B3GNT5: variants seen among roughly 807,000 people sequenced by gnomAD.
B3GNT5 encodes UDP-GlcNAc:betaGal beta-1,3-N-acetylglucosaminyltransferase 5.
In B3GNT5, 11 loss-of-function variants were observed where a neutral mutation model predicts 25.9. The ratio of observed to expected loss-of-function variants is 0.42; its 90% CI spans 0.27 to 0.70. The LOEUF (loss-of-function observed/expected upper bound fraction) is 0.70, where lower values mean the gene tolerates loss of function less well. B3GNT5 is among the 30% of genes least tolerant of loss of function. The pLI is 0.23. For missense variants in B3GNT5, 385 were observed against 458.4 expected, an observed-to-expected ratio of 0.84 and a Z score of 1.46; for synonymous variants, 166 against 158.6, an observed-to-expected ratio of 1.05 and a Z score of -0.35.
At chr3:183,262,725 G>A (rs912949667) in intron 1 of B3GNT5, among the ~76,000 whole-genome samples, 1 of 150,124 alleles carries the variant, frequency 6.7e-6, no homozygotes, top group African/African-American at 2.4e-5. Flanking sequence ...GGGTGGGGGG[G>A]ACAGAGCCTG....
intron 1 of B3GNT5, among the ~76,000 whole-genome samples, chr3:183,259,830 C>T (rs1482960161): frequency 3.9e-5 from 6 of 151,990 alleles, no homozygotes; most frequent in Non-Finnish European, 8.8e-5. Flanking sequence ...CTGTCTAGTA[C>T]TAGTGAGACC....
chr3:183,263,737 G>A (rs535810190), intron 1 of B3GNT5, among the ~76,000 whole-genome samples: 19 of 152,168 alleles, frequency 1.2e-4, no homozygotes, highest in Admixed American at 3.3e-4. Context: ...AACTCAATGC[G>A]AGTCTAAAAT....
intron 1 of B3GNT5, among the ~76,000 whole-genome samples, 176 bp from the exon 2 acceptor site, chr3:183,269,322 G>C (rs1278699928): frequency 1.4e-5 from 2 of 140,272 alleles, no homozygotes; most frequent in Non-Finnish European, 3.0e-5. Context: ...CCCTTTTCCT[G>C]TCCTCCTTTA....
chr3:183,266,203 A>G (rs1163565095), intron 1 of B3GNT5: 1 of 152,272 alleles, frequency 6.6e-6, no homozygotes, highest in Non-Finnish European at 1.5e-5. Context: ...GTGTGGGAGC[A>G]GTTGGACTTG....
At chr3:183,259,530 C>G (rs1386396859) in intron 1 of B3GNT5, among the ~76,000 whole-genome samples, 1 of 151,960 alleles carries the variant, frequency 6.6e-6, no homozygotes, top group East Asian at 1.9e-4. Context: ...TCAGATTTTC[C>G]CTGCCTTTAC....
chr3:183,255,902 AAATGGGTCACTT>A (rs1387208478), intron 1 of B3GNT5, among the ~76,000 whole-genome samples: 22 of 152,322 alleles, frequency 1.4e-4, no homozygotes, highest in Middle Eastern at 3.4e-3. Context: ...TCATCTTTTA[AAATGGGTCACTT>A]TGGCTAGAAT....
chr3:183,272,529 T>A lies in B3GNT5; in HGVS notation c.*1594T>A. The stretch of plus-strand genomic sequence containing the variant: ...ATGTTTACAGAAATTTTAATTTTTT[T>A]CTATTTTGAAATTTGAGGCTTGTTT... On this transcript the variant is annotated 3_prime_UTR_variant, in exon 2 of 2. Transcript: ENST00000326505. 3.0e-6 allele frequency: 3 copies of A among 994,434 alleles called. No individual in the cohort carries two copies. Among genetic ancestry groups the A allele is most frequent in the Non-Finnish European group, 3.6e-6 (3 of 824,970 alleles). The allele number at this position is 994,434 out of a possible 1,614,324, so 61.6% of individuals were successfully genotyped here. A position where few individuals can be genotyped will look rare whatever the true frequency, so the allele number is the denominator to read the frequency against.
At position 183,271,140 on chromosome 3, in the gene B3GNT5, G is replaced by A. The variant is rs1726740157; in HGVS notation, c.*205G>A. ...TGCCTAAGTTCATTTCAAAGAATTT[G>A]TATTTAGAAAAGGTTTATATTATTA... is the stretch of plus-strand genomic sequence containing the variant. On this transcript the variant is annotated 3_prime_UTR_variant, in exon 2 of 2. Transcript: ENST00000326505. The A allele has an allele frequency of 8.8e-6, 4 of 453,422 alleles. No individual in the cohort carries two copies. The highest frequency in any genetic ancestry group is 1.5e-5 in the Non-Finnish European group (4 of 259,696). The allele number at this position is 453,422 out of a possible 1,614,324, so 28.1% of individuals were successfully genotyped here.
intron 1 of B3GNT5, among the ~76,000 whole-genome samples, chr3:183,257,896 T>TA (rs1230320014): frequency 6.9e-6 from 1 of 145,446 alleles, no homozygotes; most frequent in Non-Finnish European, 1.5e-5. Context: ...CTTATGTGCT[T>TA]AAAAAAAATT....
chr3:183,269,434 GTT>G (rs1726521711), intron 1 of B3GNT5, 62 bp from the exon 2 acceptor site: 2 of 189,244 alleles, frequency 1.1e-5, no homozygotes, highest in Non-Finnish European at 2.1e-5. Flanking sequence ...TTAGGAATAT[GTT>G]TCTTTCCAGC....
chr3:183,257,229 C>T (rs778695464), intron 1 of B3GNT5, among the ~76,000 whole-genome samples: 8 of 152,194 alleles, frequency 5.3e-5, no homozygotes, highest in Non-Finnish European at 1.2e-4. Context: ...AGAGACAAGT[C>T]GAGCTCATGT....
intron 1 of B3GNT5, among the ~76,000 whole-genome samples, chr3:183,258,801 A>G (rs533078473): frequency 1.2e-4 from 19 of 152,254 alleles, no homozygotes; most frequent in African/African-American, 4.3e-4. Flanking sequence ...GTGCAGAGGC[A>G]TGTAGCCTTG....
In B3GNT5 at chr3:183,263,478, T is replaced by G. The variant is rs139475978; in HGVS notation, c.-301-6020T>G. Among the ~76,000 whole-genome samples, 339 of 152,210 alleles carry G rather than the reference T, an allele frequency of 2.2e-3. 2 individuals are homozygous for G. The highest frequency in any genetic ancestry group is 0.014 in the Admixed American group (217 of 15,300). The stretch of plus-strand genomic sequence containing the variant: ...TGTCCTGCTTACCCACTCTACCCAT[T>G]TGTTAACCCCATCTTAATTTTCTGA... On this transcript the variant is annotated intron_variant, in intron 1 of 1. Coordinates refer to ENST00000326505, the MANE Select transcript of B3GNT5 (RefSeq NM_032047.5).
chr3:183,270,246 G>A lies in B3GNT5; in HGVS notation c.448G>A (p.Asp150Asn). Residue 150 changes from aspartate (D) to asparagine (N), a missense_variant, in exon 2 of 2, where the codon GAT becomes AAT. By Grantham distance (23) the Asp-to-Asn change is conservative. Coordinates refer to ENST00000326505, the MANE Select transcript of B3GNT5 (RefSeq NM_032047.5). This position sits in a 1 kb window ranked among gnomAD's most constrained non-coding sequence, Gnocchi z 4.5. ...EELQRKLAWE[D>N]QRYNDIIQQD... ...ACTACAAAGAAAACTGGCTTGGGAAGATCAAAGGTACAATGATATAATTCA... is the reference window on the plus strand; with the variant it reads ...ACTACAAAGAAAACTGGCTTGGGAAAATCAAAGGTACAATGATATAATTCA... 1 of 1,614,116 alleles carries A rather than the reference G, an allele frequency of 6.2e-7. No homozygotes were observed. The highest frequency in any genetic ancestry group is 8.5e-7 in the Non-Finnish European group (1 of 1,179,988).
intron 1 of B3GNT5, among the ~76,000 whole-genome samples, chr3:183,269,230 C>CTGTTTTTTTTTTTTTTTTTTT (rs1726467965): frequency 1.2e-5 from 1 of 81,030 alleles, no homozygotes; most frequent in African/African-American, 6.4e-5. Context: ...GTTTGGGAAG[C>CTGTTTTTTTTTTTTTTTTTTT]TTTTTTTTTT....
intron 1 of B3GNT5, among the ~76,000 whole-genome samples, chr3:183,263,540 T>C (rs1399286244): frequency 6.6e-6 from 1 of 151,890 alleles, no homozygotes; most frequent in Non-Finnish European, 1.5e-5. Context: ...CTCCTTTCTC[T>C]CCTTCTCCGG....
intron 1 of B3GNT5, among the ~76,000 whole-genome samples, chr3:183,263,418 T>A: frequency 6.6e-6 from 1 of 152,172 alleles, no homozygotes; most frequent in East Asian, 1.9e-4. Context: ...AATGTCTCTC[T>A]TCCCCACTTA....
rs1046151872 is a variant in B3GNT5, at chr3:183,271,037, A to T, written c.*102A>T. ...ACCCTAAGTAAAATGAGGACGAAAG[A>T]CAAATATTTTGAAAGCCTAGTCCAT... On this transcript the variant is annotated 3_prime_UTR_variant, in exon 2 of 2. Coordinates refer to ENST00000326505, the MANE Select transcript of B3GNT5 (RefSeq NM_032047.5). 13 of 1,156,578 alleles carry T rather than the reference A, an allele frequency of 1.1e-5. No individual in the cohort carries two copies. The highest frequency in any genetic ancestry group is 1.4e-5 in the Non-Finnish European group (12 of 838,644). 71.6% of individuals were successfully genotyped at this position (1,156,578 alleles called of 1,614,324 possible).
chr3:183,269,802 A>G lies in B3GNT5; in HGVS notation c.4A>G (p.Arg2Gly). The G allele has an allele frequency of 6.2e-7, 1 of 1,601,434 alleles. No homozygotes were observed. Among genetic ancestry groups the G allele is most frequent in the Non-Finnish European group, 8.5e-7 (1 of 1,174,146 alleles). Residue 2 changes from arginine (R) to glycine (G), a missense_variant, in exon 2 of 2, where the codon AGA (arginine) becomes GGA (glycine). Physicochemically the swap from Arg to Gly is moderately radical, Grantham distance 125. Transcript: ENST00000326505. ...CTAAAAACAGACTTGAGTGGATATG[A>G]GAATGTTGGTTAGTGGCAGAAGAGT... M[R>G]MLVSGRRVKK... is the part of the protein sequence containing the mutation.
Sources: gnomAD v4.1 joint callset for allele counts (sites outside exome capture counted in the v4.1 genomes callset) on GRCh38, gnomAD v4.1.1 for gene constraint, Gnocchi (gnomAD v3.1) non-coding constraint, MANE v1.5 for transcripts, NCBI Gene and HGNC (gene_info 2026-07-23, HGNC 2026-07-21) for gene names.